BANK1: variants seen among roughly 807,000 people sequenced by gnomAD.
The protein encoded by BANK1 is B cell scaffold protein with ankyrin repeats 1, also known as B-cell scaffold protein with ankyrin repeats.
In BANK1, 95 loss-of-function variants were observed where a neutral mutation model predicts 94.5. That is an observed-to-expected ratio of 1.00 (90% CI 0.85 to 1.19). The LOEUF (loss-of-function observed/expected upper bound fraction) is 1.19, where lower values mean the gene tolerates loss of function less well. BANK1 is among the 50% of genes most tolerant of loss of function. BANK1 has a pLI of 0.00. For missense variants in BANK1, 987 were observed against 932.2 expected (o/e 1.06, Z -0.77); for synonymous variants, 334 against 308.4 (o/e 1.08, Z -0.87).
intron 9 of BANK1, among the ~76,000 whole-genome samples, chr4:102,028,846 T>C (rs1057044803): frequency 2.6e-5 from 4 of 152,142 alleles, no homozygotes; most frequent in African/African-American, 9.6e-5. Flanking sequence ...CCATTGATCA[T>C]CCATGCTGTC....
At chr4:102,034,345 T>C (rs550076048) in intron 10 of BANK1, among the ~76,000 whole-genome samples, 1 of 152,322 alleles carries the variant, frequency 6.6e-6, no homozygotes, top group East Asian at 1.9e-4. Flanking sequence ...CAAATTTAGC[T>C]GATATTACCC....
chr4:102,017,483 C>T (rs1026218681), intron 7 of BANK1, among the ~76,000 whole-genome samples: 3 of 152,186 alleles, frequency 2.0e-5, no homozygotes, highest in Non-Finnish European at 4.4e-5. Context: ...GTCACCACCA[C>T]CAGAGGTCAG....
intron 7 of BANK1, among the ~76,000 whole-genome samples, chr4:101,930,318 C>A (rs2148905084): frequency 6.6e-6 from 1 of 151,100 alleles, no homozygotes; most frequent in Admixed American, 6.6e-5. Context: ...CCTATTCATT[C>A]TTTTATATTG....
intron 11 of BANK1, among the ~76,000 whole-genome samples, chr4:102,053,749 T>C (rs1028905736): frequency 6.6e-6 from 1 of 151,828 alleles, no homozygotes; most frequent in African/African-American, 2.4e-5. Context: ...ATGTAAAATA[T>C]TGGTAATAAA....
chr4:101,806,894 A>G (rs1381139891), intron 1 of BANK1, among the ~76,000 whole-genome samples: 2 of 152,224 alleles, frequency 1.3e-5, no homozygotes, highest in Non-Finnish European at 2.9e-5. Context: ...TTTAAGTGAA[A>G]TAGGAATAGA....
intron 7 of BANK1, among the ~76,000 whole-genome samples, chr4:101,965,293 T>G (rs1282835935): frequency 6.6e-6 from 1 of 151,664 alleles, no homozygotes; most frequent in Non-Finnish European, 1.5e-5. Flanking sequence ...CTAAATGCCT[T>G]TTACCACTCT....
chr4:102,002,118 A>C (rs1726098495), intron 7 of BANK1, among the ~76,000 whole-genome samples: 1 of 152,128 alleles, frequency 6.6e-6, no homozygotes, highest in Admixed American at 6.5e-5. Context: ...CCAAATTCTC[A>C]TTTCATTTCC....
chr4:101,790,907 G>T lies in BANK1; in HGVS notation c.27G>T (p.Gly9=). 1 of 1,538,578 alleles carries T rather than the reference G, an allele frequency of 6.5e-7. No homozygotes were observed. Among genetic ancestry groups the T allele is most frequent in the Non-Finnish European group, 8.7e-7 (1 of 1,146,986 alleles). Residue 9 remains glycine (G), a synonymous_variant, in exon 1 of 17, where the codon GGG becomes GGT. Coordinates refer to ENST00000322953, the MANE Select transcript of BANK1 (RefSeq NM_017935.5). ...TGCTGCCAGCAGCGCCAGGCAAGGG[G>T]CTTGGGAGCCCGGACCCCGCCCCCT... MLPAAPGK[G]LGSPDPAPCG... is the part of the protein sequence containing the mutation.
intron 1 of BANK1, among the ~76,000 whole-genome samples, chr4:101,808,017 G>A (rs182952677): frequency 1.5e-3 from 232 of 151,600 alleles, no homozygotes; most frequent in African/African-American, 5.3e-3. Flanking sequence ...CCCGGGATGT[G>A]GAGGTTGCAG....
chr4:101,954,389 T>C (rs1374949147), intron 7 of BANK1, among the ~76,000 whole-genome samples: 1 of 152,178 alleles, frequency 6.6e-6, no homozygotes, highest in Non-Finnish European at 1.5e-5. Context: ...GATTTTTATA[T>C]TCTGGAATAG....
intron 7 of BANK1, among the ~76,000 whole-genome samples, chr4:102,017,342 T>C (rs1237445660): frequency 6.6e-6 from 1 of 152,112 alleles, no homozygotes; most frequent in Non-Finnish European, 1.5e-5. Flanking sequence ...ACAAAGAGTA[T>C]TAAAATAGGG....
At chr4:101,858,168 A>G (rs1027252377) in intron 3 of BANK1, among the ~76,000 whole-genome samples, 1 of 152,312 alleles carries the variant, frequency 6.6e-6, no homozygotes, top group Admixed American at 6.5e-5. Flanking sequence ...CCCTCAAAGA[A>G]GTGGCTCTCC....
intron 11 of BANK1, among the ~76,000 whole-genome samples, chr4:102,048,749 A>G (rs1393564798): frequency 6.6e-6 from 1 of 152,186 alleles, no homozygotes; most frequent in African/African-American, 2.4e-5. Flanking sequence ...AAGCATTTCA[A>G]GTGCACTAAG....
At chr4:101,993,433 C>G (rs1247775166) in intron 7 of BANK1, among the ~76,000 whole-genome samples, 1 of 152,126 alleles carries the variant, frequency 6.6e-6, no homozygotes, top group African/African-American at 2.4e-5. Flanking sequence ...TTACAGAAAG[C>G]AACAGCAAGA....
chr4:102,065,539 A>G (rs1281760234), intron 13 of BANK1, among the ~76,000 whole-genome samples: 1 of 152,168 alleles, frequency 6.6e-6, no homozygotes. Context: ...AAAAGAAGAC[A>G]TACAAAGATA....
intron 7 of BANK1, among the ~76,000 whole-genome samples, chr4:102,019,303 C>T (rs921444865): frequency 4.6e-5 from 7 of 152,006 alleles, no homozygotes; most frequent in East Asian, 1.9e-4. Flanking sequence ...AAATATTTGA[C>T]GAATGAATGA....
chr4:101,899,631 G>A (rs1485184011), intron 6 of BANK1, among the ~76,000 whole-genome samples: 3 of 152,106 alleles, frequency 2.0e-5, no homozygotes, highest in African/African-American at 7.2e-5. Flanking sequence ...TTCCCCAGAT[G>A]TGAATTTTGA....
At chr4:101,968,398 A>C (rs986936012) in intron 7 of BANK1, among the ~76,000 whole-genome samples, 3 of 152,114 alleles carry the variant, frequency 2.0e-5, no homozygotes, top group Admixed American at 2.0e-4. Context: ...TGTCTGCTGA[A>C]ATGGCACTCT....
At chr4:101,957,477 T>A (rs73834509) in intron 7 of BANK1, among the ~76,000 whole-genome samples, 112 of 152,300 alleles carry the variant, frequency 7.4e-4, no homozygotes, top group African/African-American at 2.6e-3. Flanking sequence ...CTTTTCTCGA[T>A]TGAGTTCTCG....
Sources: allele counts gnomAD v4.1 joint callset (sites outside exome capture counted in the v4.1 genomes callset), GRCh38; gene constraint gnomAD v4.1.1; transcripts MANE v1.5; gene names NCBI Gene and HGNC (gene_info 2026-07-23, HGNC 2026-07-21).